Variants in NLGN1 observed in about 807,000 individuals in gnomAD.
NLGN1 encodes the protein neuroligin 1.
NLGN1 carries 12 observed loss-of-function variants against 65.5 expected under a neutral mutation model. That is an observed-to-expected ratio of 0.18 (90% CI 0.12 to 0.30). NLGN1 has a LOEUF of 0.30. Ranked by LOEUF, NLGN1 falls within the 10% of genes least tolerant of loss-of-function variation. NLGN1 has a pLI of 1.00. For synonymous variants in NLGN1, 350 were observed against 359.5 expected (o/e 0.97, Z 0.30); for missense variants, 750 against 1,007.1 (o/e 0.74, Z 3.46).
rs539297018 is a variant in NLGN1 at position 173,617,654 on chromosome 3, C to G, written c.493+12563C>G. The stretch of plus-strand genomic sequence containing the variant: ...GAGTCTGACAGATATAACCTGGACT[C>G]TGTCACGGGCCCTCGAGGCCAAGTG... On this transcript the variant is annotated intron_variant, in intron 3 of 6. Transcript: ENST00000457714. Among the ~76,000 whole-genome samples, 7 of 152,320 alleles carry G rather than the reference C, an allele frequency of 4.6e-5. No homozygotes were observed. The East Asian group carries it at 1.4e-3, about 29-fold the overall frequency.
At chr3:173,979,446 G>T (rs1018569867) in intron 4 of NLGN1, among the ~76,000 whole-genome samples, 1 of 152,142 alleles carries the variant, frequency 6.6e-6, no homozygotes, top group African/African-American at 2.4e-5. Flanking sequence ...GGTGAAAGTT[G>T]ATTATTAAGT....
intron 2 of NLGN1, among the ~76,000 whole-genome samples, chr3:173,463,897 A>G (rs975185445): frequency 3.3e-5 from 5 of 152,028 alleles, no homozygotes; most frequent in Non-Finnish European, 7.4e-5. Context: ...TTAATATATA[A>G]TGGGTTTATA....
At chr3:173,800,474 GT>G (rs1715222460) in intron 3 of NLGN1, 1 of 227,210 alleles carries the variant, frequency 4.4e-6, no homozygotes, top group Non-Finnish European at 8.7e-6. Context: ...TTTTTGATGT[GT>G]TTTGTCTTCT....
intron 4 of NLGN1, among the ~76,000 whole-genome samples, chr3:174,066,606 GT>G (rs1738672188): frequency 8.0e-6 from 1 of 125,426 alleles, no homozygotes; most frequent in African/African-American, 3.1e-5. Context: ...CATAATTTTG[GT>G]TGGTTTTAGG....
rs138667670 is a variant in NLGN1 at position 174,108,021 on chromosome 3, A to G, written c.647-167294A>G. Among the ~76,000 whole-genome samples the G allele has an allele frequency of 2.3e-4, 35 of 152,182 alleles. No individual in the cohort carries two copies. In the East Asian group the frequency reaches 6.2e-3, roughly 27 times the overall value. ...GTTGAGTTTTTAAGTTCCTTGTACC[A>G]TATTTTTATATTTTAAATAGTAATA... is the stretch of plus-strand genomic sequence containing the variant. On this transcript the variant is annotated intron_variant, in intron 4 of 6. Coordinates refer to ENST00000457714, the Ensembl canonical transcript of NLGN1.
At chr3:173,506,252 A>G (rs1732015468) in intron 2 of NLGN1, among the ~76,000 whole-genome samples, 1 of 152,180 alleles carries the variant, frequency 6.6e-6, no homozygotes, top group Non-Finnish European at 1.5e-5. Context: ...GAGGGTTGCC[A>G]TTTTATATCT....
At chr3:173,784,753 G>GA (rs1553848814) in intron 3 of NLGN1, among the ~76,000 whole-genome samples, 1 of 151,238 alleles carries the variant, frequency 6.6e-6, no homozygotes, top group African/African-American at 2.5e-5. Context: ...TTCTGAAGAA[G>GA]AGAGACTCAT....
chr3:173,667,987 G>A (rs1761950292), intron 3 of NLGN1, among the ~76,000 whole-genome samples: 1 of 152,056 alleles, frequency 6.6e-6, no homozygotes, highest in South Asian at 2.1e-4. Context: ...ATTTAATAAT[G>A]TATTATGTCT....
chr3:173,805,711 C>A (rs1716490813), intron 3 of NLGN1, among the ~76,000 whole-genome samples: 1 of 152,130 alleles, frequency 6.6e-6, no homozygotes, highest in African/African-American at 2.4e-5. Flanking sequence ...TCCAAGCATA[C>A]AATTAGCCGA....
chr3:173,989,404 C>T (rs1720622159), intron 4 of NLGN1, among the ~76,000 whole-genome samples: 1 of 152,188 alleles, frequency 6.6e-6, no homozygotes, highest in African/African-American at 2.4e-5. Context: ...CTCCCATGGG[C>T]AACACTTGAA....
At chr3:173,678,586 G>A (rs74553224) in intron 3 of NLGN1, among the ~76,000 whole-genome samples, 7,372 of 152,090 alleles carry the variant, frequency 0.048, 432 homozygotes, top group African/African-American at 0.12. Context: ...CAAATGGTTC[G>A]TTATGGCTAT....
intron 4 of NLGN1, among the ~76,000 whole-genome samples, chr3:174,213,062 C>T (rs572681660): frequency 2.0e-5 from 3 of 152,240 alleles, no homozygotes; most frequent in Admixed American, 6.5e-5. Context: ...CTATAAGCAA[C>T]TTTAACTCTC....
chr3:173,737,763 T>A (rs567246882), intron 3 of NLGN1, among the ~76,000 whole-genome samples: 16 of 152,188 alleles, frequency 1.1e-4, no homozygotes, highest in African/African-American at 3.8e-4. Context: ...TCTCTCAGAT[T>A]GTCTACTTAG....
intron 4 of NLGN1, among the ~76,000 whole-genome samples, chr3:174,167,768 T>G (rs1327339691): frequency 3.3e-5 from 5 of 151,916 alleles, no homozygotes; most frequent in Non-Finnish European, 7.4e-5. Context: ...ATTAGAGAAG[T>G]TTCTTTTATT....
chr3:173,953,223 A>G (rs996412615), intron 4 of NLGN1, among the ~76,000 whole-genome samples: 1 of 152,224 alleles, frequency 6.6e-6, no homozygotes. Context: ...GTCAGAGAAA[A>G]GAATTCACAT....
intron 4 of NLGN1, among the ~76,000 whole-genome samples, chr3:173,930,602 GA>G (rs1191124529): frequency 6.6e-6 from 1 of 152,142 alleles, no homozygotes; most frequent in Admixed American, 6.6e-5. Context: ...GATAATCTAA[GA>G]AAGAAGGATA....
At chr3:174,173,858 C>A (rs113368219) in intron 4 of NLGN1, among the ~76,000 whole-genome samples, 199 of 151,962 alleles carry the variant, frequency 1.3e-3, no homozygotes, top group African/African-American at 4.7e-3. Flanking sequence ...TATTGGGGAA[C>A]AGGTGGTGTT....
intron 2 of NLGN1, among the ~76,000 whole-genome samples, chr3:173,506,406 A>G (rs1732047046): frequency 6.6e-6 from 1 of 152,020 alleles, no homozygotes; most frequent in Non-Finnish European, 1.5e-5. Flanking sequence ...TCTTGGGCAA[A>G]TTCATAGTCC....
At position 174,049,006 on chromosome 3, in the gene NLGN1, G is replaced by A. The variant is rs148682182; in HGVS notation, c.647-226309G>A. Reference sequence around the variant, plus strand: ...ATAAACAAAAATTTCTGCATCTTTGGTAAAGATGGGTTACATTCAGCCAAC... The same window carrying A: ...ATAAACAAAAATTTCTGCATCTTTGATAAAGATGGGTTACATTCAGCCAAC... On this transcript the variant is annotated intron_variant, in intron 4 of 6. Coordinates refer to ENST00000457714, the Ensembl canonical transcript of NLGN1. Among the ~76,000 whole-genome samples the A allele has an allele frequency of 3.7e-3, 566 of 152,052 alleles. 1 individual carries two copies. The highest frequency in any genetic ancestry group is 6.3e-3 in the Non-Finnish European group (429 of 67,956).
Sources: allele counts gnomAD v4.1 joint callset (sites outside exome capture counted in the v4.1 genomes callset), GRCh38; gene constraint gnomAD v4.1.1; transcripts MANE v1.5; gene names NCBI Gene and HGNC (gene_info 2026-07-23, HGNC 2026-07-21).